SH3RF1: variants seen among roughly 807,000 people sequenced by gnomAD.
SH3RF1 encodes the protein E3 ubiquitin-protein ligase SH3RF1.
A neutral mutation model predicts 74.0 loss-of-function variants in SH3RF1; 32 were observed. The observed-to-expected ratio is 0.43, with a 90% confidence interval of 0.33 to 0.58. SH3RF1 has a LOEUF of 0.58. Among genes scored for constraint, SH3RF1 ranks in the 20% least tolerant of loss-of-function variants. The probability of loss-of-function intolerance (pLI) is 0.05; values close to 1 mark genes in which losing one functional copy is unlikely to be tolerated. For synonymous variants in SH3RF1, 396 were observed against 439.6 expected (o/e 0.90, Z 1.24); for missense variants, 954 against 1,130.9 (o/e 0.84, Z 2.24).
At chr4:169,266,494 T>C (rs1300778201) in intron 2 of SH3RF1, among the ~76,000 whole-genome samples, 2 of 152,152 alleles carry the variant, frequency 1.3e-5, no homozygotes, top group Non-Finnish European at 2.9e-5. Flanking sequence ...AAAAGGAGTC[T>C]TTTCTAGAAA....
chr4:169,176,174 T>C (rs1314821202), intron 2 of SH3RF1, among the ~76,000 whole-genome samples: 1 of 152,156 alleles, frequency 6.6e-6, no homozygotes, highest in Non-Finnish European at 1.5e-5. Flanking sequence ...CTGTTGTTTA[T>C]ACTCCCCAGT....
intron 2 of SH3RF1, among the ~76,000 whole-genome samples, chr4:169,175,386 C>G (rs562103248): frequency 6.6e-6 from 1 of 152,280 alleles, no homozygotes; most frequent in East Asian, 1.9e-4. Context: ...ACCTCTCTGG[C>G]TCCCTCTCCA....
chr4:169,219,342 A>C (rs1248460346), intron 2 of SH3RF1, among the ~76,000 whole-genome samples: 2 of 152,196 alleles, frequency 1.3e-5, no homozygotes, highest in Non-Finnish European at 2.9e-5. Context: ...GAAAGTATTT[A>C]ATAAAAATTA....
At chr4:169,199,313 G>C (rs1734870079) in intron 2 of SH3RF1, among the ~76,000 whole-genome samples, 2 of 152,188 alleles carry the variant, frequency 1.3e-5, no homozygotes, top group Admixed American at 1.3e-4. Flanking sequence ...CCAGATTTCA[G>C]TGGCTTAACA....
chr4:169,102,146 T>C (rs541433676), intron 11 of SH3RF1, among the ~76,000 whole-genome samples: 1 of 152,344 alleles, frequency 6.6e-6, no homozygotes, highest in South Asian at 2.1e-4. Flanking sequence ...TACTGCTTTC[T>C]ACCAGTTGCC....
intron 2 of SH3RF1, among the ~76,000 whole-genome samples, chr4:169,255,648 C>A (rs1731179436): frequency 1.3e-5 from 2 of 151,590 alleles, no homozygotes; most frequent in Non-Finnish European, 2.9e-5. Context: ...CACACACACA[C>A]ACACACACAC....
intron 2 of SH3RF1, among the ~76,000 whole-genome samples, chr4:169,240,856 T>A (rs1172555683): frequency 1.3e-5 from 2 of 152,202 alleles, no homozygotes; most frequent in South Asian, 4.1e-4. Context: ...GATCCATGTA[T>A]TCACCAGACC....
chr4:169,177,652 T>C (rs921649516), intron 2 of SH3RF1, among the ~76,000 whole-genome samples: 3 of 152,184 alleles, frequency 2.0e-5, no homozygotes, highest in Non-Finnish European at 4.4e-5. Context: ...ATTTCAACTA[T>C]GTGTTAACTG....
intron 10 of SH3RF1, among the ~76,000 whole-genome samples, chr4:169,108,688 T>C (rs756335061): frequency 6.6e-5 from 10 of 152,366 alleles, no homozygotes; most frequent in African/African-American, 9.6e-5. Context: ...GCTGATCTTA[T>C]GCGCTTTCGC....
At position 169,156,336 on chromosome 4, in the gene SH3RF1, T is replaced by C. The variant is rs886230841; in HGVS notation, c.669+68A>G. 6.9e-6 allele frequency: 10 copies of C among 1,448,446 alleles called. No individual in the cohort carries two copies. The East Asian group carries it at 1.8e-4, about 27-fold the overall frequency. 89.7% of individuals were successfully genotyped at this position (1,448,446 alleles called of 1,614,324 possible). On this transcript the variant is annotated intron_variant, in intron 3 of 11. Transcript: ENST00000284637. ...TTTTTTTGCAAAAGGCAACACGAGC[T>C]ATATTTCTATGTATCTGGGTACAGA...
intron 10 of SH3RF1, 89 bp downstream of exon 10, chr4:169,116,180 T>C (rs1733328078): frequency 2.6e-6 from 4 of 1,521,540 alleles, no homozygotes; most frequent in Middle Eastern, 3.6e-4. Context: ...CAGTGAGTCC[T>C]CTCATTAGCT....
chr4:169,188,606 T>G (rs1734650343), intron 2 of SH3RF1, among the ~76,000 whole-genome samples: 1 of 152,246 alleles, frequency 6.6e-6, no homozygotes, highest in Non-Finnish European at 1.5e-5. Context: ...GTACTTGTGA[T>G]CGTTGTAATT....
chr4:169,181,419 T>C (rs1435933855), intron 2 of SH3RF1, among the ~76,000 whole-genome samples: 2 of 151,872 alleles, frequency 1.3e-5, no homozygotes, highest in African/African-American at 4.8e-5. Flanking sequence ...CATGCCACCA[T>C]ACCCAGCTAA....
chr4:169,118,980 A>G (rs1455573316), intron 8 of SH3RF1, among the ~76,000 whole-genome samples: 1 of 152,226 alleles, frequency 6.6e-6, no homozygotes, highest in African/African-American at 2.4e-5. Context: ...TTTAAATGAT[A>G]ACAATTCTGT....
Position 169,106,905 on chromosome 4 carries a change from G to A in SH3RF1, c.2440C>T (p.Gln814Ter), listed in dbSNP as rs1302383062. 6.2e-7 allele frequency: 1 copy of A among 1,613,420 alleles called. No homozygotes were observed. ...ACAGGACCCAGGGAGGAACAGGCCT[G>A]GCGAGGAGGTGGAGCGATGGGAACT... ...SAVPIAPPPR[Q>*]ACSSLGPVLN... is the part of the protein sequence containing the mutation. Residue 814 changes from glutamine (Q) to a stop codon, truncating the protein, a stop_gained, in exon 11 of 12, where the codon CAG becomes TAG. Coordinates refer to ENST00000284637, the MANE Select transcript of SH3RF1 (RefSeq NM_020870.4). LOFTEE classifies it high-confidence loss of function.
chr4:169,134,836 C>T (rs7693374), intron 5 of SH3RF1, among the ~76,000 whole-genome samples: 60,246 of 151,984 alleles, frequency 0.4, 12,490 homozygotes, highest in African/African-American at 0.53. Flanking sequence ...ATGTCTGCCA[C>T]TTAGAATATA....
intron 2 of SH3RF1, 102 bp downstream of exon 2, chr4:169,268,718 C>T (rs1731394005): frequency 7.6e-7 from 1 of 1,323,496 alleles, no homozygotes; most frequent in Non-Finnish European, 1.0e-6. Context: ...TGTATGGTTT[C>T]CTAAGCAATG....
chr4:169,100,354 T>C (rs989775130), intron 11 of SH3RF1, among the ~76,000 whole-genome samples: 2 of 152,152 alleles, frequency 1.3e-5, no homozygotes, highest in South Asian at 4.1e-4. Flanking sequence ...ATATCTTTTT[T>C]TTTTAAGACT....
chr4:169,189,199 A>G (rs1734659237), intron 2 of SH3RF1, among the ~76,000 whole-genome samples: 1 of 152,284 alleles, frequency 6.6e-6, no homozygotes. Context: ...TATTTACCAC[A>G]ATAAGCAAAC....
Sources: gnomAD v4.1 joint callset for allele counts (sites outside exome capture counted in the v4.1 genomes callset) on GRCh38, gnomAD v4.1.1 for gene constraint, MANE v1.5 for transcripts, NCBI Gene and HGNC (gene_info 2026-07-23, HGNC 2026-07-21) for gene names.